The following ARFIP1 variants were observed in gnomAD, a reference collection of about 807,000 sequenced individuals.
The protein encoded by ARFIP1 is arfaptin-1.
A neutral mutation model predicts 42.5 loss-of-function variants in ARFIP1; 24 were observed. That is an observed-to-expected ratio of 0.57 (90% CI 0.41 to 0.80). ARFIP1 has a LOEUF of 0.80. Among genes scored for constraint, ARFIP1 ranks in the 30% least tolerant of loss-of-function variants. ARFIP1 has a pLI of 0.00. For missense variants in ARFIP1, 354 were observed against 434.0 expected (o/e 0.82, Z 1.64); for synonymous variants, 141 against 153.7 (o/e 0.92, Z 0.61).
chr4:152,866,275 C>T (rs1324068678), intron 3 of ARFIP1, among the ~76,000 whole-genome samples: 3 of 152,270 alleles, frequency 2.0e-5, no homozygotes, highest in African/African-American at 4.8e-5. Context: ...CTTCTTTCTA[C>T]ACAGACACAG....
chr4:152,818,155 A>C (rs1172972388), intron 1 of ARFIP1, among the ~76,000 whole-genome samples: 1 of 152,240 alleles, frequency 6.6e-6, no homozygotes, highest in East Asian at 1.9e-4. Context: ...GTAGAAATTC[A>C]CACTGTGAAC....
At chr4:152,804,161 TATAATATAAC>T (rs1728705433) in intron 1 of ARFIP1, among the ~76,000 whole-genome samples, 1 of 114,936 alleles carries the variant, frequency 8.7e-6, no homozygotes, top group African/African-American at 3.4e-5. Flanking sequence ...ATATATTATA[TATAATATAAC>T]ATGTATTATA....
At chr4:152,908,891 AGTG>A (rs1407181968) in intron 8 of ARFIP1, among the ~76,000 whole-genome samples, 3 of 132,564 alleles carry the variant, frequency 2.3e-5, no homozygotes, top group African/African-American at 5.8e-5. Flanking sequence ...GCTAGAGAGA[AGTG>A]TGTGTGTGTG....
intron 8 of ARFIP1, among the ~76,000 whole-genome samples, chr4:152,903,935 C>T (rs925522797): frequency 2.6e-5 from 4 of 152,114 alleles, no homozygotes; most frequent in African/African-American, 9.7e-5. Flanking sequence ...GACTCTCTAA[C>T]TTTCTAGACT....
rs146613182 is a variant in ARFIP1, at chr4:152,796,225, C to T, written c.-10+15999C>T. The T allele has an allele frequency of 2.5e-3, 2,183 of 865,382 alleles. 33 individuals carry two copies. The African/African-American group carries it at 0.03, about 12-fold the overall frequency. The allele number at this position is 865,382 out of a possible 1,614,324, so 53.6% of individuals were successfully genotyped here. ...TAATAACACCCAAAGTTGTATACAG[C>T]GGGAATGACGGATTCTTCTTTACAC... On this transcript the variant is annotated intron_variant, in intron 1 of 8. Coordinates refer to ENST00000353617, the MANE Select transcript of ARFIP1 (RefSeq NM_001025595.3).
At chr4:152,894,364 TA>T (rs1414650755) in intron 8 of ARFIP1, among the ~76,000 whole-genome samples, 1 of 152,148 alleles carries the variant, frequency 6.6e-6, no homozygotes, top group Non-Finnish European at 1.5e-5. Flanking sequence ...ATTTAAAAAA[TA>T]GATACTTGTT....
chr4:152,906,340 C>T (rs954009226), intron 8 of ARFIP1, among the ~76,000 whole-genome samples: 1 of 152,158 alleles, frequency 6.6e-6, no homozygotes, highest in Non-Finnish European at 1.5e-5. Context: ...TGTTAATATC[C>T]ACCTTTTCTC....
intron 1 of ARFIP1, among the ~76,000 whole-genome samples, chr4:152,803,811 G>A (rs1275380810): frequency 1.3e-5 from 2 of 151,484 alleles, no homozygotes; most frequent in Admixed American, 6.6e-5. Context: ...GCATCAGTCT[G>A]CAGTTGTTGG....
At chr4:152,902,695 T>C (rs1737947410) in intron 8 of ARFIP1, among the ~76,000 whole-genome samples, 1 of 152,212 alleles carries the variant, frequency 6.6e-6, no homozygotes, top group African/African-American at 2.4e-5. Flanking sequence ...AGCTTAAATA[T>C]AGAAGTAAAT....
intron 1 of ARFIP1, among the ~76,000 whole-genome samples, chr4:152,824,951 TATACACACACGCACACCACACATAC>T (rs1730701307): frequency 6.6e-6 from 1 of 151,254 alleles, no homozygotes; most frequent in Non-Finnish European, 1.5e-5. Flanking sequence ...TTGATATATA[TATACACACACGCACACCACACATAC>T]ATACACACAC....
rs771499421 is a variant in ARFIP1 at position 152,829,681 on chromosome 4, T to C, written c.48T>C (p.Thr16=). 2.5e-6 allele frequency: 4 copies of C among 1,612,410 alleles called. No homozygotes were observed. The South Asian group carries it at 4.4e-5, about 18-fold the overall frequency. ...PKNSAAEIPV[T]SNGEVDDSRE... ...ATTCAGCAGCAGAAATTCCAGTGAC[T>C]AGTAATGGAGAAGTTGATGACTCTC... Residue 16 remains threonine (T), a synonymous_variant, in exon 2 of 9, where the codon ACT becomes ACC. Coordinates refer to ENST00000353617, the MANE Select transcript of ARFIP1 (RefSeq NM_001025595.3).
At chr4:152,865,859 T>A (rs1235023765) in intron 3 of ARFIP1, among the ~76,000 whole-genome samples, 1 of 152,138 alleles carries the variant, frequency 6.6e-6, no homozygotes, top group Non-Finnish European at 1.5e-5. Context: ...AATTTTACTA[T>A]TAAGATATTT....
At chr4:152,862,705 AG>A (rs1165664371) in intron 2 of ARFIP1, among the ~76,000 whole-genome samples, 1 of 152,216 alleles carries the variant, frequency 6.6e-6, no homozygotes, top group Non-Finnish European at 1.5e-5. Flanking sequence ...TAAATAGAAA[AG>A]TGATTTTATT....
chr4:152,874,184 A>G (rs1022448455), intron 5 of ARFIP1, among the ~76,000 whole-genome samples: 1 of 152,200 alleles, frequency 6.6e-6, no homozygotes, highest in Non-Finnish European at 1.5e-5. Flanking sequence ...TCTCTACAAT[A>G]ATCTGAATTG....
At chr4:152,879,724 C>T (rs1244523708) in intron 5 of ARFIP1, among the ~76,000 whole-genome samples, 1 of 152,116 alleles carries the variant, frequency 6.6e-6, no homozygotes, top group Non-Finnish European at 1.5e-5. Context: ...TGTCGCATGC[C>T]TCTAATCCCA....
At chr4:152,853,326 C>T (rs561327121) in intron 2 of ARFIP1, among the ~76,000 whole-genome samples, 13 of 152,232 alleles carry the variant, frequency 8.5e-5, no homozygotes, top group South Asian at 6.2e-4. Flanking sequence ...CCAGGTTTAG[C>T]GCTCCGTTGA....
At chr4:152,889,816 T>C (rs910228083) in intron 8 of ARFIP1, among the ~76,000 whole-genome samples, 3 of 110,188 alleles carry the variant, frequency 2.7e-5, no homozygotes, top group African/African-American at 1.1e-4. Context: ...ATACTATATA[T>C]ATACTATATA....
chr4:152,804,358 A>T (rs1394504423), intron 1 of ARFIP1, among the ~76,000 whole-genome samples: 1 of 96,456 alleles, frequency 1.0e-5, no homozygotes, highest in Non-Finnish European at 1.9e-5. Flanking sequence ...TATAACATGT[A>T]TTATATATTA....
chr4:152,796,675 TG>T, intron 1 of ARFIP1: 1 of 883,668 alleles, frequency 1.1e-6, no homozygotes, highest in Non-Finnish European at 1.9e-6. Flanking sequence ...TTTCTCAGCA[TG>T]GCGCTGTTTA....
Sources: allele counts gnomAD v4.1 joint callset (sites outside exome capture counted in the v4.1 genomes callset), GRCh38; gene constraint gnomAD v4.1.1; transcripts MANE v1.5; gene names NCBI Gene and HGNC (gene_info 2026-07-23, HGNC 2026-07-21).